Variants in ZDHHC20 observed in about 807,000 individuals in gnomAD.
ZDHHC20 encodes palmitoyltransferase ZDHHC20.
ZDHHC20 carries 43 observed loss-of-function variants against 57.8 expected under a neutral mutation model. The ratio of observed to expected loss-of-function variants is 0.74; its 90% CI spans 0.58 to 0.96. The LOEUF (loss-of-function observed/expected upper bound fraction) is 0.96, where lower values mean the gene tolerates loss of function less well. ZDHHC20 is among the 40% of genes least tolerant of loss of function. The pLI, the probability that ZDHHC20 is intolerant of heterozygous loss-of-function variation, is 0.00. For missense variants in ZDHHC20, 391 were observed against 441.1 expected (o/e 0.89, Z 1.02); for synonymous variants, 157 against 153.0 (o/e 1.03, Z -0.19).
intron 1 of ZDHHC20, among the ~76,000 whole-genome samples, chr13:21,438,940 ACTG>A (rs368659446): frequency 1.3e-5 from 2 of 152,370 alleles, no homozygotes; most frequent in African/African-American, 4.8e-5. Flanking sequence ...GGCTTAGGTG[ACTG>A]CTAATTGCTA....
chr13:21,435,119 T>C (rs1882405649), intron 1 of ZDHHC20, among the ~76,000 whole-genome samples: 1 of 152,242 alleles, frequency 6.6e-6, no homozygotes, highest in Non-Finnish European at 1.5e-5. Context: ...TCTTTTGGTA[T>C]GGCAGGATAA....
chr13:21,437,992 C>T (rs1022752515), intron 1 of ZDHHC20, among the ~76,000 whole-genome samples: 3 of 152,132 alleles, frequency 2.0e-5, no homozygotes, highest in African/African-American at 7.2e-5. Flanking sequence ...CACCCAGCGG[C>T]TTTATTGAAT....
At chr13:21,456,928 GA>G (rs1227842895) in intron 1 of ZDHHC20, among the ~76,000 whole-genome samples, 12 of 152,166 alleles carry the variant, frequency 7.9e-5, no homozygotes, top group Non-Finnish European at 1.2e-4. Flanking sequence ...GAAGTTATAT[GA>G]AAGAACGGAA....
chr13:21,459,028 C>A, intron 1 of ZDHHC20, 26 bp downstream of exon 1: 1 of 1,556,392 alleles, frequency 6.4e-7, no homozygotes, highest in Admixed American at 1.8e-5. Context: ...CCGCGCCCCG[C>A]CGCAGTCCCC....
intron 11 of ZDHHC20, among the ~76,000 whole-genome samples, chr13:21,380,263 G>A (rs1423138169): frequency 1.3e-5 from 2 of 151,354 alleles, no homozygotes; most frequent in African/African-American, 4.9e-5. Context: ...TTACAGGCAC[G>A]TGCCACCACA....
intron 12 of ZDHHC20, chr13:21,377,071 G>A: frequency 6.2e-6 from 1 of 161,074 alleles, no homozygotes; most frequent in South Asian, 1.7e-4. Flanking sequence ...AAGAAATGTG[G>A]ACCTCAGACT....
Position 21,382,969 on chromosome 13 carries a change from T to C in ZDHHC20, c.895A>G (p.Met299Val). The change falls in exon 10 of 13, where the codon ATG (methionine) becomes GTG (valine). Residue 299 changes from methionine (M) to valine (V), a missense_variant. Coordinates refer to ENST00000400590, the MANE Select transcript of ZDHHC20 (RefSeq NM_001330059.2). The part of the protein sequence containing the change: ...GCSFPTRLVG[M>V]DPEQASVTNQ... ...GTAACAGAAGCTTGTTCTGGATCCA[T>C]CCCCACAAGGCGAGTTGGAAAACTG... is the stretch of plus-strand genomic sequence containing the variant. The C allele has an allele frequency of 6.4e-7, 1 of 1,565,028 alleles. No homozygotes were observed. Among genetic ancestry groups the C allele is most frequent in the Non-Finnish European group, 8.7e-7 (1 of 1,153,756 alleles).
intron 3 of ZDHHC20, among the ~76,000 whole-genome samples, chr13:21,416,459 A>G (rs1000663604): frequency 6.6e-5 from 10 of 152,212 alleles, no homozygotes; most frequent in African/African-American, 2.4e-4. Context: ...TTAAATGCCA[A>G]TTAAGAGTGA....
Position 21,372,582 on chromosome 13 carries a change from G to T in ZDHHC20, c.*4114C>A, listed in dbSNP as rs1289217425. ...AACAAAGAAAACACTTCAAATACAA[G>T]ACTTTGTTTATTAATAAAGTAATTC... On this transcript the variant is annotated 3_prime_UTR_variant, in exon 13 of 13. Transcript: ENST00000400590. The T allele has an allele frequency of 6.6e-6, 1 of 151,894 alleles. No homozygotes were observed. The highest frequency in any genetic ancestry group is 2.4e-5 in the African/African-American group (1 of 41,350). The allele number at this position is 151,894 out of a possible 1,614,324, so 9.4% of individuals were successfully genotyped here. A position where few individuals can be genotyped will look rare whatever the true frequency, so the allele number is the denominator to read the frequency against.
chr13:21,431,225 T>C (rs1881880739), intron 1 of ZDHHC20, among the ~76,000 whole-genome samples: 1 of 152,162 alleles, frequency 6.6e-6, no homozygotes, highest in South Asian at 2.1e-4. Context: ...CTCAGAATTA[T>C]GGCTGGAGGC....
At chr13:21,405,906 G>A (rs75906804) in intron 4 of ZDHHC20, among the ~76,000 whole-genome samples, 1 of 152,320 alleles carries the variant, frequency 6.6e-6, no homozygotes, top group East Asian at 1.9e-4. Context: ...GGGTGCACCA[G>A]CAGGATCTGA....
intron 4 of ZDHHC20, among the ~76,000 whole-genome samples, chr13:21,412,032 A>G (rs1191407578): frequency 6.6e-6 from 1 of 152,248 alleles, no homozygotes; most frequent in Non-Finnish European, 1.5e-5. Context: ...TGAAGGGCAC[A>G]TGCCAAGGTG....
intron 1 of ZDHHC20, among the ~76,000 whole-genome samples, chr13:21,436,940 C>T (rs918756613): frequency 6.6e-6 from 1 of 151,904 alleles, no homozygotes; most frequent in Non-Finnish European, 1.5e-5. Flanking sequence ...TAACTTTGGC[C>T]CACGTTGTGT....
rs780186834 is a variant in ZDHHC20, at chr13:21,387,617, T to C, written c.745A>G (p.Thr249Ala). 61 of 1,478,740 alleles carry C rather than the reference T, an allele frequency of 4.1e-5. No homozygotes were observed. The highest frequency in any genetic ancestry group is 5.4e-5 in the Non-Finnish European group (60 of 1,109,620). The allele number at this position is 1,478,740 out of a possible 1,614,324, so 91.6% of individuals were successfully genotyped here. ...TTTCCATCAGGTCCGTATGAAAACG[T>C]GGGTGCGCGGAATGATTCTGTTAAA... Reference protein sequence around the residue: ...RTTIESFRAPTFSYGPDGNGF... With the variant: ...RTTIESFRAPAFSYGPDGNGF... Residue 249 changes from threonine to alanine, a missense_variant, in exon 9 of 13, where the codon ACG (threonine) becomes GCG (alanine). Physicochemically the swap from Thr to Ala is moderately conservative, Grantham distance 58. This residue lies in a region of ZDHHC20 where 197 missense variants were observed against 220.8 expected (regional missense o/e 0.89). Coordinates refer to ENST00000400590, the MANE Select transcript of ZDHHC20 (RefSeq NM_001330059.2).
At chr13:21,387,795 A>C (rs1874844567) in intron 8 of ZDHHC20, among the ~76,000 whole-genome samples, 161 bp from the exon 9 acceptor site, 1 of 152,178 alleles carries the variant, frequency 6.6e-6, no homozygotes. Flanking sequence ...AATTTATGAA[A>C]CTTATTTTGG....
At chr13:21,450,885 G>T (rs1194525321) in intron 1 of ZDHHC20, among the ~76,000 whole-genome samples, 3 of 151,848 alleles carry the variant, frequency 2.0e-5, no homozygotes, top group Non-Finnish European at 2.9e-5. Context: ...CTCCCAAGTA[G>T]CTGGGACTAC....
chr13:21,433,318 A>T (rs1882192537), intron 1 of ZDHHC20, among the ~76,000 whole-genome samples: 1 of 151,754 alleles, frequency 6.6e-6, no homozygotes, highest in South Asian at 2.1e-4. Flanking sequence ...TGATTTCCTT[A>T]AAAAAATACT....
At chr13:21,412,982 A>C (rs1013029856) in intron 4 of ZDHHC20, among the ~76,000 whole-genome samples, 5 of 151,686 alleles carry the variant, frequency 3.3e-5, no homozygotes, top group African/African-American at 1.2e-4. Flanking sequence ...AAAAAAAAAA[A>C]AAAAAAAAAC....
chr13:21,400,486 T>TA lies in ZDHHC20; in HGVS notation c.480dup (p.Asn161Ter). 6.5e-7 allele frequency: 1 copy of TA among 1,549,006 alleles called. No individual in the cohort carries two copies. The highest frequency in any genetic ancestry group is 8.7e-7 in the Non-Finnish European group (1 of 1,149,294). ...TTGTAATTAGAAAATCCCACACAGTTATTCACCCTGGAAAAATAAAGAAAG... is the reference window on the plus strand; with the variant it reads ...TTGTAATTAGAAAATCCCACACAGTTAATTCACCCTGGAAAAATAAAGAAAG... On this transcript the variant is annotated frameshift_variant, in exon 7 of 13. Transcript: ENST00000400590. LOFTEE classifies it high-confidence loss of function.
Sources: gnomAD v4.1 joint callset for allele counts (sites outside exome capture counted in the v4.1 genomes callset) on GRCh38, gnomAD v4.1.1 for gene constraint, gnomAD v4.1.1 regional missense constraint, MANE v1.5 for transcripts, NCBI Gene and HGNC (gene_info 2026-07-23, HGNC 2026-07-21) for gene names.